The following SLIT1 variants were observed in gnomAD, a reference collection of about 807,000 sequenced individuals.
SLIT1 encodes the protein slit homolog 1 protein.
In SLIT1, 66 loss-of-function variants were observed where a neutral mutation model predicts 186.1. The observed-to-expected ratio is 0.35, with a 90% CI of 0.29 to 0.44. The LOEUF (loss-of-function observed/expected upper bound fraction) is 0.44. Among genes scored for constraint, SLIT1 ranks in the 20% least tolerant of loss-of-function variants. The probability of loss-of-function intolerance (pLI) is 1.00; values close to 1 mark genes in which losing one functional copy is unlikely to be tolerated. For missense variants in SLIT1, 1,638 were observed against 2,037.4 expected (o/e 0.80, Z 3.77); for synonymous variants, 761 against 833.8 (o/e 0.91, Z 1.50).
In SLIT1 at chr10:97,048,947, G is replaced by A. The variant is rs766974709; in HGVS notation, c.1465+8C>T. 91 of 1,604,594 alleles carry A rather than the reference G, an allele frequency of 5.7e-5. No homozygotes were observed. The highest frequency in any genetic ancestry group is 7.7e-5 in the Non-Finnish European group (91 of 1,179,696). On this transcript the variant is annotated splice_region_variant and intron_variant, in intron 14 of 36. Coordinates refer to ENST00000266058, the MANE Select transcript of SLIT1 (RefSeq NM_003061.3). Reference sequence around the variant, plus strand: ...GACAGGTGGGCAGGTGGGCAGGCGGGCAGGTACCTGAGCACCGGAACTTCT... The same window carrying A: ...GACAGGTGGGCAGGTGGGCAGGCGGACAGGTACCTGAGCACCGGAACTTCT...
chr10:97,135,139 G>A (rs1589406468), intron 4 of SLIT1, among the ~76,000 whole-genome samples: 1 of 152,228 alleles, frequency 6.6e-6, no homozygotes, highest in East Asian at 1.9e-4. Flanking sequence ...GGAAAGCCCC[G>A]TGCCTGCAGA....
chr10:97,173,722 G>C (rs1850221050), intron 1 of SLIT1, among the ~76,000 whole-genome samples: 1 of 152,066 alleles, frequency 6.6e-6, no homozygotes, highest in Non-Finnish European at 1.5e-5. Context: ...GGGGAAGGAG[G>C]GGGTCACAGA....
At chr10:97,054,943 C>A (rs1178013769) in intron 13 of SLIT1, among the ~76,000 whole-genome samples, 1 of 152,136 alleles carries the variant, frequency 6.6e-6, no homozygotes, top group African/African-American at 2.4e-5. Flanking sequence ...ACATTCCGGG[C>A]GTGGTGGCTA....
chr10:97,146,223 TA>T (rs1450024501), intron 4 of SLIT1, among the ~76,000 whole-genome samples: 4 of 152,192 alleles, frequency 2.6e-5, no homozygotes, highest in African/African-American at 9.7e-5. Flanking sequence ...ACCCCATCGT[TA>T]CTTCTTTGAG....
chr10:97,156,294 T>C (rs1182710523), intron 4 of SLIT1, among the ~76,000 whole-genome samples: 1 of 152,174 alleles, frequency 6.6e-6, no homozygotes, highest in Non-Finnish European at 1.5e-5. Flanking sequence ...AGACAAAAGC[T>C]TGGCCAGGTG....
intron 18 of SLIT1, among the ~76,000 whole-genome samples, chr10:97,044,977 T>A (rs1303628733): frequency 3.9e-5 from 6 of 152,188 alleles, no homozygotes; most frequent in Non-Finnish European, 5.9e-5. Context: ...AGTGCCCTTA[T>A]CAAGGAGATC....
At chr10:97,178,887 T>A (rs1396166720) in intron 1 of SLIT1, among the ~76,000 whole-genome samples, 2 of 152,318 alleles carry the variant, frequency 1.3e-5, no homozygotes, top group Admixed American at 1.3e-4. Context: ...TTTATTTGTT[T>A]TTTAAAATTT....
chr10:97,084,585 T>A (rs1849137900), intron 4 of SLIT1, among the ~76,000 whole-genome samples: 1 of 126,204 alleles, frequency 7.9e-6, no homozygotes, highest in Non-Finnish European at 1.7e-5. Flanking sequence ...TTTTCTTTTA[T>A]TTTCTTTTCT....
At chr10:97,085,202 T>C (rs1589386634) in intron 4 of SLIT1, among the ~76,000 whole-genome samples, 2 of 150,752 alleles carry the variant, frequency 1.3e-5, no homozygotes, top group African/African-American at 2.4e-5. Context: ...GGATTACAGG[T>C]GTGAGCCACC....
chr10:97,077,764 G>A (rs1849059395), intron 4 of SLIT1, among the ~76,000 whole-genome samples: 1 of 152,122 alleles, frequency 6.6e-6, no homozygotes, highest in South Asian at 2.1e-4. Flanking sequence ...AAGATTCACG[G>A]AATTAAAGCT....
At chr10:97,069,807 C>T (rs1349453858) in intron 4 of SLIT1, among the ~76,000 whole-genome samples, 5 of 152,146 alleles carry the variant, frequency 3.3e-5, no homozygotes, top group Admixed American at 3.3e-4. Context: ...GACATTCCTC[C>T]CTTCAAAAGA....
rs952027001 is a variant in SLIT1, at chr10:97,076,663, G to A, written c.414-10577C>T. On this transcript the variant is annotated intron_variant, in intron 4 of 36. Coordinates refer to ENST00000266058, the MANE Select transcript of SLIT1 (RefSeq NM_003061.3). ...TCAAGGTGGGTTCTGGAGAGCATTC[G>A]ATGATAAGAACCTGCATTGTGCTGC... Among the ~76,000 whole-genome samples, 4 of 152,226 alleles carry A rather than the reference G, an allele frequency of 2.6e-5. 1 individual carries two copies. The East Asian group carries it at 5.8e-4, about 22-fold the overall frequency.
At chr10:97,066,980 G>A (rs1202728425) in intron 4 of SLIT1, among the ~76,000 whole-genome samples, 1 of 152,192 alleles carries the variant, frequency 6.6e-6, no homozygotes, top group Non-Finnish European at 1.5e-5. Flanking sequence ...TGGGGCTTAC[G>A]CTCTGTGTCT....
At position 97,119,913 on chromosome 10, in the gene SLIT1, G is replaced by GTGTATATATATATATA. The variant is rs1241836707; in HGVS notation, c.413+37904_413+37905insTATATATATATATACA. Among the ~76,000 whole-genome samples, 89 of 56,518 alleles carry GTGTATATATATATATA rather than the reference G, an allele frequency of 1.6e-3. 1 individual carries two copies. The highest frequency in any genetic ancestry group is 2.3e-3 in the Non-Finnish European group (62 of 26,958). 37.1% of individuals were successfully genotyped at this position (56,518 alleles called of 152,430 possible). A position where few individuals can be genotyped will look rare whatever the true frequency, so the allele number is the denominator to read the frequency against. On this transcript the variant is annotated intron_variant, in intron 4 of 36. Transcript: ENST00000266058. The stretch of plus-strand genomic sequence containing the variant: ...AAATACATATTTTTTTTCCAAAGGG[G>GTGTATATATATATATA]TATATATATATATATATATATATAT...
At chr10:97,109,928 T>C (rs1849449800) in intron 4 of SLIT1, among the ~76,000 whole-genome samples, 1 of 152,172 alleles carries the variant, frequency 6.6e-6, no homozygotes, top group African/African-American at 2.4e-5. Flanking sequence ...GAAAGAACAC[T>C]GTATTCAGCT....
intron 4 of SLIT1, among the ~76,000 whole-genome samples, chr10:97,145,537 TGTAGTCCAC>T (rs1849808596): frequency 6.6e-6 from 1 of 152,178 alleles, no homozygotes; most frequent in Non-Finnish European, 1.5e-5. Flanking sequence ...TCTGCCGGGC[TGTAGTCCAC>T]TCTCGTATGC....
intron 36 of SLIT1, 80 bp from the exon 37 acceptor site, chr10:97,001,430 A>C: frequency 9.5e-7 from 1 of 1,048,610 alleles, no homozygotes; most frequent in East Asian, 2.4e-5. Flanking sequence ...CAGGAGGAAG[A>C]GGAGGAGGAG....
At chr10:97,050,022 TG>T (rs1848773634) in intron 13 of SLIT1, among the ~76,000 whole-genome samples, 3 of 152,142 alleles carry the variant, frequency 2.0e-5, no homozygotes, top group Non-Finnish European at 4.4e-5. Context: ...CGAGGCAGCC[TG>T]GGAAGAGCAT....
chr10:97,099,465 G>C (rs1849328338), intron 4 of SLIT1, among the ~76,000 whole-genome samples: 1 of 152,100 alleles, frequency 6.6e-6, no homozygotes, highest in Non-Finnish European at 1.5e-5. Context: ...GGGGGTGGGG[G>C]ACAGCAGGCA....
Sources: gnomAD v4.1 joint callset for allele counts (sites outside exome capture counted in the v4.1 genomes callset) on GRCh38, gnomAD v4.1.1 for gene constraint, MANE v1.5 for transcripts, NCBI Gene and HGNC (gene_info 2026-07-23, HGNC 2026-07-21) for gene names.